BIN3: variants seen among roughly 807,000 people sequenced by gnomAD.
BIN3 encodes the protein bridging integrator 3.
Under a neutral mutation model 38.2 loss-of-function variants are expected in BIN3, and 41 were observed. The observed-to-expected ratio is 1.07, with a 90% confidence interval of 0.84 to 1.39. The LOEUF (loss-of-function observed/expected upper bound fraction) is 1.39. Among genes scored for constraint, BIN3 ranks in the 40% most tolerant of loss-of-function variants. BIN3 has a pLI of 0.00. For synonymous variants in BIN3, 145 were observed against 122.6 expected, an observed-to-expected ratio of 1.18 and a Z score of -1.21; for missense variants, 361 against 324.3, an observed-to-expected ratio of 1.11 and a Z score of -0.87.
In BIN3 at chr8:22,631,829, C is replaced by T. The variant is rs957930982; in HGVS notation, c.161-1251G>A. On this transcript the variant is annotated intron_variant, in intron 4 of 8. Transcript: ENST00000276416. ...CTGGGAGTCACAGGCGGCTCAGAGG[C>T]GGGCTGGAGACCTGCTGGCAGCTTT... 3.3e-5 allele frequency among the ~76,000 whole-genome samples: 5 copies of T among 152,178 alleles called. No individual in the cohort carries two copies. In the East Asian group the frequency reaches 7.7e-4, roughly 23 times the overall value.
At chr8:22,667,999 A>G (rs1803480804) in intron 1 of BIN3, among the ~76,000 whole-genome samples, 1 of 152,204 alleles carries the variant, frequency 6.6e-6, no homozygotes, top group African/African-American at 2.4e-5. Flanking sequence ...AAACAAACAC[A>G]CTAGCCTCTG....
intron 4 of BIN3, among the ~76,000 whole-genome samples, chr8:22,631,157 T>C (rs570194284): frequency 1.3e-5 from 2 of 152,284 alleles, no homozygotes; most frequent in South Asian, 4.2e-4. Context: ...TAAAACTTTA[T>C]TGACAAAACT....
intron 2 of BIN3, among the ~76,000 whole-genome samples, chr8:22,643,481 T>A (rs1802625981): frequency 6.6e-6 from 1 of 152,192 alleles, no homozygotes; most frequent in South Asian, 2.1e-4. Flanking sequence ...CAGGCGTGCA[T>A]ATTTTTTGGT....
intron 1 of BIN3, among the ~76,000 whole-genome samples, chr8:22,646,367 C>G (rs964414772): frequency 6.6e-6 from 1 of 152,184 alleles, no homozygotes; most frequent in African/African-American, 2.4e-5. Context: ...ATGCACCAGA[C>G]CCGCTCCACC....
At chr8:22,636,421 C>T in intron 4 of BIN3, 104 bp downstream of exon 4, 1 of 1,211,250 alleles carries the variant, frequency 8.3e-7, no homozygotes, top group Non-Finnish European at 1.2e-6. Context: ...GGGTACACGT[C>T]CTCTGAGCGC....
intron 8 of BIN3, 109 bp downstream of exon 8, chr8:22,623,806 G>T: frequency 7.4e-7 from 1 of 1,360,046 alleles, no homozygotes; most frequent in Non-Finnish European, 9.9e-7. Flanking sequence ...CCTGGGGTGG[G>T]TGCCCTGTCT....
chr8:22,648,048 T>C (rs1266615210), intron 1 of BIN3, among the ~76,000 whole-genome samples: 5 of 143,972 alleles, frequency 3.5e-5, no homozygotes, highest in Non-Finnish European at 7.5e-5. Flanking sequence ...GGCAGGAGAA[T>C]GGCATGAGCC....
At chr8:22,625,120 G>T in intron 6 of BIN3, 1 of 552,780 alleles carries the variant, frequency 1.8e-6, no homozygotes. Flanking sequence ...AGAAGGGACC[G>T]CGTGGGAGAC....
intron 6 of BIN3, among the ~76,000 whole-genome samples, chr8:22,628,532 C>T (rs939398633): frequency 1.3e-5 from 2 of 152,180 alleles, no homozygotes; most frequent in Non-Finnish European, 1.5e-5. Flanking sequence ...CCCTCTGCCA[C>T]GCCCCCACCT....
intron 2 of BIN3, among the ~76,000 whole-genome samples, chr8:22,643,678 T>C (rs1240705725): frequency 6.6e-6 from 1 of 152,220 alleles, no homozygotes; most frequent in East Asian, 1.9e-4. Flanking sequence ...ATGGAGCCAT[T>C]GGTCAGATGT....
At chr8:22,644,528 C>G in intron 2 of BIN3, 1 of 525,014 alleles carries the variant, frequency 1.9e-6, no homozygotes, top group Non-Finnish European at 3.5e-6. Flanking sequence ...TCCCCCTGCC[C>G]AAGGATGATA....
At chr8:22,644,199 T>C (rs1802647691) in intron 2 of BIN3, among the ~76,000 whole-genome samples, 1 of 152,242 alleles carries the variant, frequency 6.6e-6, no homozygotes, top group Non-Finnish European at 1.5e-5. Context: ...TCCTTTCCCA[T>C]TCTGGAGATA....
At chr8:22,636,503 G>T in intron 4 of BIN3, 22 bp downstream of exon 4, 1 of 1,551,470 alleles carries the variant, frequency 6.4e-7, no homozygotes, top group Non-Finnish European at 8.7e-7. Flanking sequence ...CAAGCGAGTG[G>T]TGCGGGTGGA....
Position 22,634,432 on chromosome 8 carries a change from C to T in BIN3, c.160+2093G>A, listed in dbSNP as rs940095362. 3.5e-5 allele frequency: 16 copies of T among 450,816 alleles called. 1 individual carries two copies. The highest frequency in any genetic ancestry group is 1.7e-4 in the Admixed American group (7 of 42,338). The allele number at this position is 450,816 out of a possible 1,614,324, so 27.9% of individuals were successfully genotyped here. A position where few individuals can be genotyped will look rare whatever the true frequency, so the allele number is the denominator to read the frequency against. ...GCTCACCCGGGCATGGTGGTGGTGACGGCGGCTCCCAGGGAAGGAACGCTT... is the reference window on the plus strand; with the variant it reads ...GCTCACCCGGGCATGGTGGTGGTGATGGCGGCTCCCAGGGAAGGAACGCTT... On this transcript the variant is annotated intron_variant, in intron 4 of 8. Transcript: ENST00000276416.
At chr8:22,628,609 G>C (rs756927549) in intron 6 of BIN3, among the ~76,000 whole-genome samples, 4 of 152,240 alleles carry the variant, frequency 2.6e-5, no homozygotes, top group Non-Finnish European at 5.9e-5. Flanking sequence ...TTGGGCTTCA[G>C]AAGCCAGGGA....
intron 1 of BIN3, among the ~76,000 whole-genome samples, chr8:22,647,486 G>A (rs1425881639): frequency 6.6e-6 from 1 of 152,164 alleles, no homozygotes; most frequent in Non-Finnish European, 1.5e-5. Context: ...CTGGTGTCCA[G>A]CCCAGTTTTC....
intron 1 of BIN3, among the ~76,000 whole-genome samples, chr8:22,651,753 G>A (rs191130117): frequency 3.3e-5 from 5 of 152,010 alleles, no homozygotes; most frequent in African/African-American, 9.7e-5. Context: ...TGTTTGTCAC[G>A]GTGTTGTATA....
At chr8:22,657,083 T>C (rs529634148) in intron 1 of BIN3, among the ~76,000 whole-genome samples, 1 of 152,350 alleles carries the variant, frequency 6.6e-6, no homozygotes, top group Admixed American at 6.5e-5. Context: ...TTGTTCCAAA[T>C]ACTATGCTAG....
At chr8:22,644,731 C>T in intron 2 of BIN3, 24 bp downstream of exon 2, 2 of 1,607,796 alleles carry the variant, frequency 1.2e-6, no homozygotes, top group Non-Finnish European at 1.7e-6. Context: ...CTGAATCTCA[C>T]AGCAAAACAA....
Sources: allele counts gnomAD v4.1 joint callset (sites outside exome capture counted in the v4.1 genomes callset), GRCh38; gene constraint gnomAD v4.1.1; transcripts MANE v1.5; gene names NCBI Gene and HGNC (gene_info 2026-07-23, HGNC 2026-07-21).